The following PCDHGC5 variants were observed in gnomAD, a reference collection of about 807,000 sequenced individuals.
PCDHGC5 encodes protocadherin gamma subfamily C, 5, also known as protocadherin gamma-C5.
In PCDHGC5, 25 loss-of-function variants were observed where a neutral mutation model predicts 59.0. The ratio of observed to expected loss-of-function variants is 0.42; its 90% CI spans 0.31 to 0.59. The LOEUF (loss-of-function observed/expected upper bound fraction) is 0.59. Ranked by LOEUF, PCDHGC5 falls within the 20% of genes least tolerant of loss-of-function variation. The pLI is 0.13. For synonymous variants in PCDHGC5, 434 were observed against 505.5 expected (o/e 0.86, Z 1.90); for missense variants, 1,067 against 1,206.4 (o/e 0.88, Z 1.71).
At position 141,511,426 on chromosome 5, in the gene PCDHGC5, G is replaced by C. The variant is rs2099883789; in HGVS notation, c.*253G>C. 2.5e-6 allele frequency: 2 copies of C among 798,652 alleles called. No homozygotes were observed. The highest frequency in any genetic ancestry group is 3.8e-6 in the Non-Finnish European group (2 of 529,972). 49.5% of individuals were successfully genotyped at this position (798,652 alleles called of 1,614,324 possible). ...CAACTGCTGTACCCATGGGGGTAGTGGGGTTACTGTAGACACCAAGAACCA... is the reference window on the plus strand; with the variant it reads ...CAACTGCTGTACCCATGGGGGTAGTCGGGTTACTGTAGACACCAAGAACCA... On this transcript the variant is annotated 3_prime_UTR_variant, in exon 4 of 4. Transcript: ENST00000252087.
chr5:141,491,794 TCCGG>T lies in PCDHGC5; in HGVS notation c.2460+100_2460+103del. The T allele has an allele frequency of 6.6e-7, 1 of 1,511,056 alleles. No homozygotes were observed. The highest frequency in any genetic ancestry group is 8.8e-7 in the Non-Finnish European group (1 of 1,130,146). 93.6% of individuals were successfully genotyped at this position (1,511,056 alleles called of 1,614,324 possible). A position where few individuals can be genotyped will look rare whatever the true frequency, so the allele number is the denominator to read the frequency against. Reference sequence around the variant, plus strand: ...GGGATTGAACTTGCATCCACTCCTCTCCGGCCGGCTTGGTCGCTGGCTGCGCTCC... The same window carrying T: ...GGGATTGAACTTGCATCCACTCCTCTCCGGCTTGGTCGCTGGCTGCGCTCC... On this transcript the variant is annotated intron_variant, in intron 1 of 3. Transcript: ENST00000252087. The surrounding 1 kb of genome is among the most constrained non-coding windows in gnomAD (Gnocchi z 6.9).
At chr5:141,501,901 C>T (rs1595767273) in intron 2 of PCDHGC5, among the ~76,000 whole-genome samples, 1 of 152,070 alleles carries the variant, frequency 6.6e-6, no homozygotes, top group Non-Finnish European at 1.5e-5. Context: ...TGGTTCCAAC[C>T]CCACTGTTCC....
At chr5:141,503,005 G>A (rs915064303) in intron 2 of PCDHGC5, among the ~76,000 whole-genome samples, 16 of 145,340 alleles carry the variant, frequency 1.1e-4, no homozygotes, top group African/African-American at 2.3e-4. Flanking sequence ...CACCATGCCC[G>A]GTTAATTTTT....
chr5:141,494,996 C>A (rs2099758091), intron 2 of PCDHGC5, 131 bp downstream of exon 2: 2 of 1,539,742 alleles, frequency 1.3e-6, no homozygotes, highest in African/African-American at 1.4e-5. Context: ...CCAGGGAGGT[C>A]TTGGTGTGCG....
chr5:141,490,111 A>G lies in PCDHGC5; in HGVS notation c.871A>G (p.Asn291Asp). 6.2e-7 allele frequency: 1 copy of G among 1,614,244 alleles called. No individual in the cohort carries two copies. The highest frequency in any genetic ancestry group is 8.5e-7 in the Non-Finnish European group (1 of 1,180,042). The change falls in exon 1 of 4, where the codon AAC (asparagine) becomes GAC (aspartate). Residue 291 changes from asparagine (N) to aspartate (D), a missense_variant. Physicochemically the swap from Asn to Asp is conservative, Grantham distance 23. Coordinates refer to ENST00000252087, the MANE Select transcript of PCDHGC5 (RefSeq NM_018929.3). The surrounding 1 kb of genome is among the most constrained non-coding windows in gnomAD (Gnocchi z 5.4). ...AGACCACACATCTGAGGCAGTGCGGAACCTCTTTGGCCTAGACCCTAGCAG... is the reference window on the plus strand; with the variant it reads ...AGACCACACATCTGAGGCAGTGCGGGACCTCTTTGGCCTAGACCCTAGCAG... ...FGDHTSEAVR[N>D]LFGLDPSSGA...
chr5:141,506,471 C>T (rs2099854191), intron 3 of PCDHGC5, among the ~76,000 whole-genome samples: 2 of 148,834 alleles, frequency 1.3e-5, no homozygotes, highest in African/African-American at 5.0e-5. Flanking sequence ...AAAAAGAGCA[C>T]AGGCTTTAGA....
Position 141,489,842 on chromosome 5 carries a change from A to T in PCDHGC5, c.602A>T (p.Asp201Val). ...GAGCTGGTGCTAGAGCAGCAGCTGGATCGTGAAGCCCAGGCAAGACATCAG... is the reference window on the plus strand; with the variant it reads ...GAGCTGGTGCTAGAGCAGCAGCTGGTTCGTGAAGCCCAGGCAAGACATCAG... ...FPELVLEQQL[D>V]REAQARHQLV... is the part of the protein sequence containing the mutation. The change falls in exon 1 of 4, where the codon GAT (aspartate) becomes GTT (valine). Residue 201 changes from aspartate to valine, a missense_variant. Physicochemically the swap from Asp to Val is radical, Grantham distance 152. Coordinates refer to ENST00000252087, the MANE Select transcript of PCDHGC5 (RefSeq NM_018929.3). The surrounding 1 kb of genome is among the most constrained non-coding windows in gnomAD (Gnocchi z 4.5). 6.2e-7 allele frequency: 1 copy of T among 1,614,186 alleles called. No homozygotes were observed. Among genetic ancestry groups the T allele is most frequent in the South Asian group, 1.1e-5 (1 of 91,086 alleles).
At chr5:141,510,917 C>A in intron 3 of PCDHGC5, 30 bp from the exon 4 acceptor site, 2 of 1,613,854 alleles carry the variant, frequency 1.2e-6, no homozygotes, top group Non-Finnish European at 8.5e-7. Flanking sequence ...CTAAGTTTAG[C>A]TCCCACCTGA....
Position 141,489,465 on chromosome 5 carries a change from T to C in PCDHGC5, c.225T>C (p.Phe75=). Residue 75 remains phenylalanine, a synonymous_variant, in exon 1 of 4, where the codon TTT becomes TTC. Transcript: ENST00000252087. The surrounding 1 kb of genome is among the most constrained non-coding windows in gnomAD (Gnocchi z 4.5). The stretch of plus-strand genomic sequence containing the variant: ...GCTCTGAGGAGAATGGGCGCTATTT[T>C]TCCCTGAGCTTGATGAGTGGTGCCC... ...QLGSEENGRY[F]SLSLMSGALA... The C allele has an allele frequency of 1.2e-6, 2 of 1,614,082 alleles. No homozygotes were observed. The highest frequency in any genetic ancestry group is 1.3e-5 in the African/African-American group (1 of 75,042).
intron 3 of PCDHGC5, among the ~76,000 whole-genome samples, chr5:141,509,277 T>TC (rs566266970): frequency 0.011 from 1,653 of 152,240 alleles, 22 homozygotes; most frequent in Non-Finnish European, 0.018. Context: ...CGCTACCCGC[T>TC]CCCAGGGTCC....
rs1259098111 is a variant in PCDHGC5 at position 141,489,418 on chromosome 5, T to C, written c.178T>C (p.Leu60=). The change falls in exon 1 of 4, where the codon TTG becomes CTG. Residue 60 remains leucine, a synonymous_variant. Coordinates refer to ENST00000252087, the MANE Select transcript of PCDHGC5 (RefSeq NM_018929.3). This position sits in a 1 kb window ranked among gnomAD's most constrained non-coding sequence, Gnocchi z 4.5. ...TCTGGGCTTAAAGATGACAGATCTGTTGAGCCGGCGGCTGCAATTGGGCTC... is the reference window on the plus strand; with the variant it reads ...TCTGGGCTTAAAGATGACAGATCTGCTGAGCCGGCGGCTGCAATTGGGCTC... ...QDLGLKMTDL[L]SRRLQLGSEE... The C allele has an allele frequency of 1.2e-6, 2 of 1,614,174 alleles. No individual in the cohort carries two copies. The highest frequency in any genetic ancestry group is 8.5e-7 in the Non-Finnish European group (1 of 1,180,032).
At chr5:141,494,355 G>T (rs910437011) in intron 1 of PCDHGC5, among the ~76,000 whole-genome samples, 4 of 152,234 alleles carry the variant, frequency 2.6e-5, no homozygotes, top group African/African-American at 9.6e-5. Flanking sequence ...CCATCTTGCT[G>T]CAGAGGATGC....
intron 2 of PCDHGC5, among the ~76,000 whole-genome samples, chr5:141,504,118 G>A (rs948008198): frequency 6.6e-6 from 1 of 152,096 alleles, no homozygotes; most frequent in African/African-American, 2.4e-5. Flanking sequence ...GTGTGCCAGG[G>A]CTGTTTCCCG....
chr5:141,496,959 G>C (rs1451127360), intron 2 of PCDHGC5, among the ~76,000 whole-genome samples: 2 of 151,894 alleles, frequency 1.3e-5, no homozygotes, highest in Non-Finnish European at 2.9e-5. Flanking sequence ...GCCAAGGTGG[G>C]TAGATCACTT....
In PCDHGC5 at chr5:141,489,522, C is replaced by T. The variant is rs371948070; in HGVS notation, c.282C>T (p.Ser94=). 2.5e-6 allele frequency: 4 copies of T among 1,614,088 alleles called. No individual in the cohort carries two copies. Among genetic ancestry groups the T allele is most frequent in the Non-Finnish European group, 3.4e-6 (4 of 1,180,036 alleles). Residue 94 remains serine, a synonymous_variant, in exon 1 of 4, where the codon AGC becomes AGT. Coordinates refer to ENST00000252087, the MANE Select transcript of PCDHGC5 (RefSeq NM_018929.3). The surrounding 1 kb of genome is among the most constrained non-coding windows in gnomAD (Gnocchi z 4.5). ...TGAATCAAAAGATTGACCGAGAAAG[C>T]CTATGTGGAGCCAGCACCAGCTGCC... ...LAVNQKIDRE[S]LCGASTSCLL... is the part of the protein sequence containing the mutation.
Position 141,511,502 on chromosome 5 carries a change from A to C in PCDHGC5, c.*329A>C. The C allele has an allele frequency of 2.0e-5, 8 of 395,260 alleles. No individual in the cohort carries two copies. The highest frequency in any genetic ancestry group is 4.1e-5 in the African/African-American group (2 of 48,892). The allele number at this position is 395,260 out of a possible 1,614,324, so 24.5% of individuals were successfully genotyped here. A position where few individuals can be genotyped will look rare whatever the true frequency, so the allele number is the denominator to read the frequency against. ...CTGAACTCCTCCATCTTCCAAATCA[A>C]TCAGGCCCATCCATCCCATGCCTCC... On this transcript the variant is annotated 3_prime_UTR_variant, in exon 4 of 4. Transcript: ENST00000252087.
At chr5:141,510,658 A>G (rs1162885805) in intron 3 of PCDHGC5, among the ~76,000 whole-genome samples, 1 of 152,178 alleles carries the variant, frequency 6.6e-6, no homozygotes, top group African/African-American at 2.4e-5. Context: ...CATTTTGCAG[A>G]TGAGAAAACT....
chr5:141,510,840 A>C (rs2099882997), intron 3 of PCDHGC5, 107 bp from the exon 4 acceptor site: 1 of 1,588,450 alleles, frequency 6.3e-7, no homozygotes, highest in Non-Finnish European at 8.6e-7. Context: ...CAGCGTGGTC[A>C]AGGCCCAGGG....
Position 141,503,868 on chromosome 5 carries a change from G to A in PCDHGC5, c.2520-1525G>A, listed in dbSNP as rs928240898. Among the ~76,000 whole-genome samples, 24 of 152,202 alleles carry A rather than the reference G, an allele frequency of 1.6e-4. No individual in the cohort carries two copies. The South Asian group carries it at 4.1e-3, about 26-fold the overall frequency. ...TTGGAAAAATTGTAAAGCAGTTCTT[G>A]GTTGTGCTCACCCACCATGACAAAA... On this transcript the variant is annotated intron_variant, in intron 2 of 3. Coordinates refer to ENST00000252087, the MANE Select transcript of PCDHGC5 (RefSeq NM_018929.3).
Sources: allele counts gnomAD v4.1 joint callset (sites outside exome capture counted in the v4.1 genomes callset), GRCh38; gene constraint gnomAD v4.1.1; non-coding constraint Gnocchi (gnomAD v3.1); transcripts MANE v1.5; gene names NCBI Gene and HGNC (gene_info 2026-07-23, HGNC 2026-07-21).